Variants in STARD3NL observed in about 807,000 individuals in gnomAD.
STARD3NL encodes STARD3 N-terminal like.
In STARD3NL, 17 loss-of-function variants were observed where a neutral mutation model predicts 30.9. The observed-to-expected ratio is 0.55, with a 90% CI of 0.38 to 0.82. The LOEUF is 0.82. STARD3NL is among the 40% of genes least tolerant of loss of function. The pLI, the probability that STARD3NL is intolerant of heterozygous loss-of-function variation, is 0.00. For missense variants in STARD3NL, 234 were observed against 277.6 expected (o/e 0.84, Z 1.12); for synonymous variants, 112 against 100.5 (o/e 1.11, Z -0.69).
intron 2 of STARD3NL, 53 bp downstream of exon 2, chr7:38,207,782 G>A: frequency 6.6e-7 from 1 of 1,522,496 alleles, no homozygotes; most frequent in Non-Finnish European, 9.0e-7. Context: ...AGAGACAACA[G>A]GGTTTTTTTG....
intron 1 of STARD3NL, among the ~76,000 whole-genome samples, chr7:38,206,424 A>G (rs1785489597): frequency 6.6e-6 from 1 of 152,196 alleles, no homozygotes; most frequent in African/African-American, 2.4e-5. Context: ...AGGAAAGGAA[A>G]CTAGGCTGCT....
intron 1 of STARD3NL, among the ~76,000 whole-genome samples, chr7:38,186,034 C>T (rs772861587): frequency 2.0e-5 from 3 of 152,154 alleles, no homozygotes; most frequent in Non-Finnish European, 2.9e-5. Context: ...GAGATGTCCT[C>T]ATATGCATTG....
At chr7:38,215,210 A>G in intron 4 of STARD3NL, 105 bp downstream of exon 4, 1 of 1,046,304 alleles carries the variant, frequency 9.6e-7, no homozygotes, top group Non-Finnish European at 1.4e-6. Context: ...ATGCAGGTGG[A>G]ATCCCACCAG....
At chr7:38,194,223 A>G (rs62443319) in intron 1 of STARD3NL, among the ~76,000 whole-genome samples, 15,288 of 152,110 alleles carry the variant, frequency 0.1, 814 homozygotes, top group Non-Finnish European at 0.11. Context: ...TGGTACTTGT[A>G]TTCCTTTATT....
intron 1 of STARD3NL, chr7:38,179,143 A>C (rs1784143635): frequency 6.6e-6 from 1 of 152,240 alleles, no homozygotes; most frequent in Non-Finnish European, 1.5e-5. Flanking sequence ...TAAGTTTAGC[A>C]AGGTAACCAA....
chr7:38,194,722 G>A (rs1784831387), intron 1 of STARD3NL, among the ~76,000 whole-genome samples: 1 of 152,020 alleles, frequency 6.6e-6, no homozygotes, highest in Non-Finnish European at 1.5e-5. Context: ...TCTCTATAGA[G>A]TTCCTTATTG....
At chr7:38,191,772 G>C (rs1583780493) in intron 1 of STARD3NL, among the ~76,000 whole-genome samples, 1 of 152,048 alleles carries the variant, frequency 6.6e-6, no homozygotes, top group African/African-American at 2.4e-5. Context: ...GTACCATACT[G>C]TTTTGATTAC....
intron 1 of STARD3NL, among the ~76,000 whole-genome samples, chr7:38,202,914 T>A (rs1280784884): frequency 6.6e-6 from 1 of 152,056 alleles, no homozygotes; most frequent in Non-Finnish European, 1.5e-5. Flanking sequence ...CATCATTTTT[T>A]ATGGCTGCAT....
intron 1 of STARD3NL, among the ~76,000 whole-genome samples, chr7:38,199,081 A>G (rs568229843): frequency 6.6e-6 from 1 of 152,350 alleles, no homozygotes; most frequent in East Asian, 1.9e-4. Context: ...GAAAACAACC[A>G]AAGGGGATTC....
At chr7:38,221,059 G>A (rs1786434487) in intron 7 of STARD3NL, among the ~76,000 whole-genome samples, 2 of 152,198 alleles carry the variant, frequency 1.3e-5, no homozygotes, top group Admixed American at 6.5e-5. Context: ...AAGGACTGTC[G>A]TATGATTTCA....
At chr7:38,219,390 G>A (rs762716933) in intron 6 of STARD3NL, among the ~76,000 whole-genome samples, 175 bp from the exon 7 acceptor site, 1 of 152,100 alleles carries the variant, frequency 6.6e-6, no homozygotes, top group South Asian at 2.1e-4. Context: ...TGTCTTTACA[G>A]TATTGTTTGT....
intron 6 of STARD3NL, among the ~76,000 whole-genome samples, 158 bp downstream of exon 6, chr7:38,217,463 G>A (rs1254718905): frequency 6.6e-6 from 1 of 152,180 alleles, no homozygotes. Flanking sequence ...CGAGAGAAGG[G>A]TTGGGTGGAT....
At chr7:38,228,556 A>G (rs970824401) in intron 7 of STARD3NL, among the ~76,000 whole-genome samples, 1 of 152,266 alleles carries the variant, frequency 6.6e-6, no homozygotes, top group African/African-American at 2.4e-5. Context: ...GAATATTCTT[A>G]GTACATAAGT....
chr7:38,222,141 T>TCACACA (rs3223376), intron 7 of STARD3NL, among the ~76,000 whole-genome samples: 17,054 of 144,048 alleles, frequency 0.12, 1,198 homozygotes, highest in East Asian at 0.3. Context: ...GTTAATATTT[T>TCACACA]CACACACACA....
At chr7:38,201,683 C>CT (rs991914359) in intron 1 of STARD3NL, 26 of 146,490 alleles carry the variant, frequency 1.8e-4, no homozygotes, top group East Asian at 4.0e-4. Context: ...ATCCAGATTT[C>CT]TTTTTTTTTG....
chr7:38,207,504 G>A lies in STARD3NL; in HGVS notation c.-1G>A, dbSNP rs1438441169. The A allele has an allele frequency of 1.9e-6, 3 of 1,613,764 alleles. No individual in the cohort carries two copies. The highest frequency in any genetic ancestry group is 1.7e-5 in the Admixed American group (1 of 59,950). ...AAAGGCTCCTGTAACCCTCCTCCAGGATGAACCACCTGCCAGAAGACATGG... is the reference window on the plus strand; with the variant it reads ...AAAGGCTCCTGTAACCCTCCTCCAGAATGAACCACCTGCCAGAAGACATGG... On this transcript the variant is annotated 5_prime_UTR_variant, in exon 2 of 9. Transcript: ENST00000009041.
chr7:38,227,052 T>G (rs558455970), intron 7 of STARD3NL, among the ~76,000 whole-genome samples: 3 of 152,358 alleles, frequency 2.0e-5, no homozygotes, highest in African/African-American at 7.2e-5. Flanking sequence ...TTTTGCCCAT[T>G]TTGCCACATT....
chr7:38,217,610 G>A (rs765820760), intron 6 of STARD3NL, among the ~76,000 whole-genome samples: 5 of 152,216 alleles, frequency 3.3e-5, no homozygotes, highest in Non-Finnish European at 7.3e-5. Context: ...TCCCCAGACA[G>A]GTTGTTCTTT....
intron 1 of STARD3NL, among the ~76,000 whole-genome samples, chr7:38,188,561 C>A (rs1256717974): frequency 2.0e-5 from 3 of 152,156 alleles, no homozygotes; most frequent in Non-Finnish European, 4.4e-5. Flanking sequence ...GGGGACCTGA[C>A]ACAATTTTAG....
Sources: gnomAD v4.1 joint callset for allele counts (sites outside exome capture counted in the v4.1 genomes callset) on GRCh38, gnomAD v4.1.1 for gene constraint, MANE v1.5 for transcripts, NCBI Gene and HGNC (gene_info 2026-07-23, HGNC 2026-07-21) for gene names.